TMEM108: variants seen among roughly 807,000 people sequenced by gnomAD.
TMEM108 encodes the protein transmembrane protein 108.
TMEM108 carries 12 observed loss-of-function variants against 35.1 expected under a neutral mutation model. The ratio of observed to expected loss-of-function variants is 0.34; its 90% CI spans 0.22 to 0.55. The LOEUF (loss-of-function observed/expected upper bound fraction) is 0.55, where lower values mean the gene tolerates loss of function less well. Ranked by LOEUF, TMEM108 falls within the 20% of genes least tolerant of loss-of-function variation. The pLI is 0.89. For missense variants in TMEM108, 680 were observed against 753.3 expected (o/e 0.90, Z 1.14); for synonymous variants, 287 against 308.6 (o/e 0.93, Z 0.73).
At chr3:133,391,645 TAC>T (rs2107861790) in intron 5 of TMEM108, among the ~76,000 whole-genome samples, 1 of 152,262 alleles carries the variant, frequency 6.6e-6, no homozygotes, top group South Asian at 2.1e-4. Flanking sequence ...AGCACCAGGT[TAC>T]ATCACACCCA....
At chr3:133,373,488 T>TAA (rs1459896042) in intron 3 of TMEM108, among the ~76,000 whole-genome samples, 1 of 152,072 alleles carries the variant, frequency 6.6e-6, no homozygotes, top group African/African-American at 2.4e-5. Context: ...GGCAATGAGT[T>TAA]GGCCTGAGTC....
At chr3:133,283,829 A>G (rs534770957) in intron 3 of TMEM108, among the ~76,000 whole-genome samples, 2 of 152,330 alleles carry the variant, frequency 1.3e-5, no homozygotes, top group African/African-American at 2.4e-5. Context: ...TTTGAAAATT[A>G]TAATTCATAT....
intron 2 of TMEM108, among the ~76,000 whole-genome samples, chr3:133,173,938 G>A (rs1945169167): frequency 6.6e-6 from 1 of 152,208 alleles, no homozygotes; most frequent in African/African-American, 2.4e-5. Context: ...GTCAAAGAAA[G>A]GGGTGACAGA....
intron 2 of TMEM108, among the ~76,000 whole-genome samples, chr3:133,129,380 C>G (rs1944460468): frequency 7.1e-6 from 1 of 141,600 alleles, no homozygotes; most frequent in Admixed American, 7.2e-5. Flanking sequence ...AAACGAAACA[C>G]TAAATTAGTT....
At chr3:133,110,619 T>C (rs1156647015) in intron 2 of TMEM108, among the ~76,000 whole-genome samples, 1 of 152,162 alleles carries the variant, frequency 6.6e-6, no homozygotes, top group African/African-American at 2.4e-5. Context: ...GTGAATCCAT[T>C]GCTGATCTGT....
chr3:133,264,577 T>C (rs1447621828), intron 3 of TMEM108, among the ~76,000 whole-genome samples: 2 of 152,216 alleles, frequency 1.3e-5, no homozygotes, highest in Non-Finnish European at 2.9e-5. Context: ...GTTGTCATTA[T>C]ATTGTTTCTG....
chr3:133,104,561 G>A (rs963242912), intron 2 of TMEM108, among the ~76,000 whole-genome samples: 9 of 152,016 alleles, frequency 5.9e-5, no homozygotes, highest in Admixed American at 4.6e-4. Context: ...GTGTTTTTCT[G>A]ATATCCATAT....
chr3:133,085,070 T>C (rs1296816533), intron 2 of TMEM108, among the ~76,000 whole-genome samples: 1 of 152,222 alleles, frequency 6.6e-6, no homozygotes, highest in Non-Finnish European at 1.5e-5. Flanking sequence ...GGATTGACTC[T>C]TCTTTTACTA....
At chr3:133,081,946 T>C (rs111762181) in intron 2 of TMEM108, among the ~76,000 whole-genome samples, 196 of 152,340 alleles carry the variant, frequency 1.3e-3, no homozygotes, top group Non-Finnish European at 1.9e-3. Context: ...CAAGCCTTGC[T>C]TGGTTATTGG....
intron 2 of TMEM108, among the ~76,000 whole-genome samples, chr3:133,206,316 G>A (rs752220625): frequency 1.3e-5 from 2 of 152,112 alleles, no homozygotes; most frequent in Non-Finnish European, 2.9e-5. Flanking sequence ...TGTCAAACTC[G>A]TTCTCCATCC....
At chr3:133,063,987 T>C (rs1244202860) in intron 2 of TMEM108, among the ~76,000 whole-genome samples, 1 of 152,232 alleles carries the variant, frequency 6.6e-6, no homozygotes, top group East Asian at 1.9e-4. Flanking sequence ...GCCATATTTC[T>C]GATTACTTTG....
chr3:133,157,424 T>C lies in TMEM108; in HGVS notation c.-46-71842T>C, dbSNP rs150330308. On this transcript the variant is annotated intron_variant, in intron 2 of 5. Coordinates refer to ENST00000321871, the MANE Select transcript of TMEM108 (RefSeq NM_023943.4). ...ATTAAAGACAAGCTACCTTTATGTG[T>C]GTACACATACACACACATATATATT... Among the ~76,000 whole-genome samples, 35 of 152,332 alleles carry C rather than the reference T, an allele frequency of 2.3e-4. No individual in the cohort carries two copies. The East Asian group carries it at 5.4e-3, about 23-fold the overall frequency.
chr3:133,119,524 A>G (rs1257457104), intron 2 of TMEM108: 1 of 152,204 alleles, frequency 6.6e-6, no homozygotes, highest in African/African-American at 2.4e-5. Context: ...TCTGAAGTTT[A>G]CTTTGTTTTA....
At chr3:133,387,949 C>T (rs139126997) in intron 4 of TMEM108, 17 of 985,420 alleles carry the variant, frequency 1.7e-5, no homozygotes, top group African/African-American at 3.5e-5. Context: ...CTTAGAGAGG[C>T]GTGCAAACTA....
chr3:133,282,001 C>CA (rs1274760108), intron 3 of TMEM108, among the ~76,000 whole-genome samples: 1 of 151,902 alleles, frequency 6.6e-6, no homozygotes, highest in African/African-American at 2.4e-5. Flanking sequence ...ACTAAAAATA[C>CA]AAAAAATTAG....
At chr3:133,122,402 C>T (rs1170745457) in intron 2 of TMEM108, among the ~76,000 whole-genome samples, 1 of 152,090 alleles carries the variant, frequency 6.6e-6, no homozygotes, top group African/African-American at 2.4e-5. Flanking sequence ...TTGCTTGCTG[C>T]TAGAGCTGTG....
chr3:133,064,939 C>T (rs1207167253), intron 2 of TMEM108, among the ~76,000 whole-genome samples: 1 of 152,158 alleles, frequency 6.6e-6, no homozygotes, highest in African/African-American at 2.4e-5. Context: ...TTCCTCTCCT[C>T]TGTGATAGAG....
At chr3:133,276,321 CT>C (rs1946837907) in intron 3 of TMEM108, among the ~76,000 whole-genome samples, 1 of 152,184 alleles carries the variant, frequency 6.6e-6, no homozygotes, top group Non-Finnish European at 1.5e-5. Flanking sequence ...TAAGGGAAGA[CT>C]TTCTCATCTT....
intron 2 of TMEM108, among the ~76,000 whole-genome samples, chr3:133,196,601 G>C (rs1197672182): frequency 3.9e-5 from 6 of 152,172 alleles, no homozygotes; most frequent in African/African-American, 7.2e-5. Flanking sequence ...TATAAATGCA[G>C]TGCATCAGGT....
Sources: allele counts gnomAD v4.1 joint callset (sites outside exome capture counted in the v4.1 genomes callset), GRCh38; gene constraint gnomAD v4.1.1; transcripts MANE v1.5; gene names NCBI Gene and HGNC (gene_info 2026-07-23, HGNC 2026-07-21).